AIM2: variants seen among roughly 807,000 people sequenced by gnomAD.
AIM2 encodes absent in melanoma 2.
In AIM2, 30 loss-of-function variants were observed where a neutral mutation model predicts 27.7. The ratio of observed to expected loss-of-function variants is 1.08; its 90% CI spans 0.81 to 1.47. AIM2 has a LOEUF of 1.47. Among genes scored for constraint, AIM2 ranks in the 40% most tolerant of loss-of-function variants. The pLI, the probability that AIM2 is intolerant of heterozygous loss-of-function variation, is 0.00. For synonymous variants in AIM2, 141 were observed against 145.3 expected (o/e 0.97, Z 0.21); for missense variants, 358 against 411.3 (o/e 0.87, Z 1.12).
intron 1 of AIM2, among the ~76,000 whole-genome samples, chr1:159,090,990 T>C (rs561410922): frequency 3.5e-4 from 53 of 152,298 alleles, no homozygotes; most frequent in African/African-American, 1.0e-3. Flanking sequence ...TAACTTCCTA[T>C]TGACCTCCTT....
chr1:159,068,701 A>C lies in AIM2; in HGVS notation c.263T>G (p.Val88Gly), dbSNP rs767268941. The C allele has an allele frequency of 1.5e-5, 24 of 1,613,054 alleles. No homozygotes were observed. Among genetic ancestry groups the C allele is most frequent in the Non-Finnish European group, 2.0e-5 (24 of 1,179,588 alleles). ...TGTTACCGATTTGTATTGCTTATCAACTGATTAAAAAATGAAAGACATGGC... is the reference window on the plus strand; with the variant it reads ...TGTTACCGATTTGTATTGCTTATCACCTGATTAAAAAATGAAAGACATGGC... The part of the protein sequence containing the change: ...AKRLQEEKEK[V>G]DKQYKSVTKP... Residue 88 changes from valine to glycine, a missense_variant and splice_region_variant, in exon 3 of 6, where the codon GTT becomes GGT. By Grantham distance (109) the Val-to-Gly change is moderately radical. Coordinates refer to ENST00000368130, the MANE Select transcript of AIM2 (RefSeq NM_004833.3).
intron 3 of AIM2, 88 bp downstream of exon 3, chr1:159,068,480 G>T: frequency 1.4e-6 from 2 of 1,474,780 alleles, no homozygotes; most frequent in South Asian, 2.9e-5. Flanking sequence ...TGCATGCTGT[G>T]AGATAAAGAA....
chr1:159,143,581 TAC>T (rs6143439), upstream of AIM2, among the ~76,000 whole-genome samples: 2,558 of 144,098 alleles, frequency 0.018, 75 homozygotes, highest in East Asian at 0.16. Flanking sequence ...GCTCAGTGTG[TAC>T]ACACACACAC....
intron 1 of AIM2, among the ~76,000 whole-genome samples, chr1:159,088,076 G>A (rs1402301594): frequency 6.6e-6 from 1 of 152,094 alleles, no homozygotes; most frequent in East Asian, 1.9e-4. Flanking sequence ...CTGGTGATAA[G>A]TTGAGTCTCT....
At chr1:159,058,877 T>C (rs1481019595), downstream of AIM2, among the ~76,000 whole-genome samples, 1 of 151,934 alleles carries the variant, frequency 6.6e-6, no homozygotes, top group East Asian at 1.9e-4. Flanking sequence ...CCAGAGTCCT[T>C]GCTAGTGCAC....
chr1:159,112,934 C>CATATATATAT (rs71659252), intron 1 of AIM2, among the ~76,000 whole-genome samples: 10 of 146,504 alleles, frequency 6.8e-5, no homozygotes, highest in African/African-American at 2.6e-4. Context: ...TATATACATA[C>CATATATATAT]ATATATATAT....
At chr1:159,090,742 C>T (rs553131204) in intron 1 of AIM2, among the ~76,000 whole-genome samples, 1 of 152,284 alleles carries the variant, frequency 6.6e-6, no homozygotes, top group South Asian at 2.1e-4. Context: ...AGACACAGAT[C>T]CCTCTGTCAG....
upstream of AIM2, among the ~76,000 whole-genome samples, chr1:159,141,617 T>C (rs1411812456): frequency 6.6e-6 from 1 of 152,076 alleles, no homozygotes; most frequent in Non-Finnish European, 1.5e-5. Flanking sequence ...TGACCATCTC[T>C]GCCGGGACTC....
intron 1 of AIM2, among the ~76,000 whole-genome samples, chr1:159,110,650 C>T (rs1657548619): frequency 6.6e-6 from 1 of 152,164 alleles, no homozygotes; most frequent in African/African-American, 2.4e-5. Context: ...GCAATCAGTA[C>T]CTTTAATAAA....
At chr1:159,130,863 G>C (rs1479725736) in intron 1 of AIM2, among the ~76,000 whole-genome samples, 2 of 150,212 alleles carry the variant, frequency 1.3e-5, no homozygotes, top group African/African-American at 4.9e-5. Context: ...CTTCAAATCT[G>C]TCATTGGCTG....
At chr1:159,077,258 A>G (rs1656644450), upstream of AIM2, among the ~76,000 whole-genome samples, 1 of 152,226 alleles carries the variant, frequency 6.6e-6, no homozygotes, top group African/African-American at 2.4e-5. Flanking sequence ...CTATATGAAT[A>G]AGCACAATGA....
intron 1 of AIM2, among the ~76,000 whole-genome samples, chr1:159,092,373 T>C (rs901161816): frequency 6.6e-6 from 1 of 152,194 alleles, no homozygotes; most frequent in East Asian, 1.9e-4. Context: ...ATTTTAGCCC[T>C]AACTATGAAT....
In AIM2 at chr1:159,063,522, T is replaced by G; in HGVS notation, c.969A>C (p.Lys323Asn). 6.2e-7 allele frequency: 1 copy of G among 1,614,060 alleles called. No individual in the cohort carries two copies. The highest frequency in any genetic ancestry group is 8.5e-7 in the Non-Finnish European group (1 of 1,180,002). The stretch of plus-strand genomic sequence containing the variant: ...TATGAACTCCAGATGTCAGCTGTAG[T>G]TTTTCTCCATTTTTTGACAGTGTGA... ...TFFTLSKNGE[K>N]LQLTSGVHST... Residue 323 changes from lysine (K) to asparagine (N), a missense_variant, in exon 5 of 6, where the codon AAA becomes AAC. Lys to Asn is a moderately conservative substitution (Grantham distance 94). Coordinates refer to ENST00000368130, the MANE Select transcript of AIM2 (RefSeq NM_004833.3).
intron 1 of AIM2, among the ~76,000 whole-genome samples, chr1:159,109,206 T>C (rs1657515047): frequency 1.3e-5 from 2 of 151,930 alleles, no homozygotes; most frequent in African/African-American, 4.8e-5. Flanking sequence ...GGTATAAAAA[T>C]AGGCACATAG....
chr1:159,137,258 T>C (rs1290199563), intron 1 of AIM2, among the ~76,000 whole-genome samples: 2 of 152,154 alleles, frequency 1.3e-5, no homozygotes, highest in Non-Finnish European at 2.9e-5. Flanking sequence ...CGGTTAGCTG[T>C]AGAGAGGAAG....
intron 4 of AIM2, among the ~76,000 whole-genome samples, chr1:159,065,671 C>T (rs1295402820): frequency 6.6e-6 from 1 of 152,152 alleles, no homozygotes; most frequent in African/African-American, 2.4e-5. Context: ...TGAACTAATT[C>T]CTTTTTCAGA....
intron 1 of AIM2, among the ~76,000 whole-genome samples, chr1:159,091,644 C>G (rs2102009318): frequency 6.6e-6 from 1 of 152,274 alleles, no homozygotes; most frequent in South Asian, 2.1e-4. Context: ...ATCAAGGCAG[C>G]CAGCTGAAGT....
At chr1:159,055,605 T>G in the AIM2 span, among the ~76,000 whole-genome samples, 1 of 152,238 alleles carries the variant, frequency 6.6e-6, no homozygotes, top group Non-Finnish European at 1.5e-5. Context: ...TCACGCACTT[T>G]CAAACCATAT....
At chr1:159,107,560 G>A (rs889691067) in intron 1 of AIM2, among the ~76,000 whole-genome samples, 1 of 151,906 alleles carries the variant, frequency 6.6e-6, no homozygotes, top group African/African-American at 2.4e-5. Context: ...TAGGACAGGA[G>A]CACACCCATG....
Sources: gnomAD v4.1 joint callset for allele counts (sites outside exome capture counted in the v4.1 genomes callset) on GRCh38, gnomAD v4.1.1 for gene constraint, MANE v1.5 for transcripts, NCBI Gene and HGNC (gene_info 2026-07-23, HGNC 2026-07-21) for gene names.